CLYBL: variants seen among roughly 807,000 people sequenced by gnomAD.
CLYBL encodes citramalyl-CoA lyase, also known as citramalyl-CoA lyase, mitochondrial.
Under a neutral mutation model 38.9 loss-of-function variants are expected in CLYBL, and 31 were observed. That is an observed-to-expected ratio of 0.80 (90% confidence interval 0.60 to 1.08). CLYBL has a LOEUF of 1.08. CLYBL is among the 50% of genes least tolerant of loss of function. CLYBL has a pLI of 0.00. For missense variants in CLYBL, 434 were observed against 411.6 expected, an observed-to-expected ratio of 1.05 and a Z score of -0.47; for synonymous variants, 171 against 158.6, an observed-to-expected ratio of 1.08 and a Z score of -0.59.
At chr13:99,704,560 G>T (rs1196916561) in intron 1 of CLYBL, among the ~76,000 whole-genome samples, 1 of 152,082 alleles carries the variant, frequency 6.6e-6, no homozygotes, top group East Asian at 1.9e-4. Context: ...TCTTTGCTAG[G>T]TTAAGTATTT....
intron 1 of CLYBL, among the ~76,000 whole-genome samples, chr13:99,656,648 C>A (rs532958818): frequency 6.6e-6 from 1 of 152,174 alleles, no homozygotes; most frequent in African/African-American, 2.4e-5. Context: ...CTCAGTCACT[C>A]TGAGGGTATG....
At chr13:99,904,888 C>T (rs1419967695) in intron 8 of CLYBL, among the ~76,000 whole-genome samples, 1 of 152,230 alleles carries the variant, frequency 6.6e-6, no homozygotes, top group Non-Finnish European at 1.5e-5. Context: ...AAAGGGCAGC[C>T]TCCCTCTTGT....
At chr13:99,842,724 G>A (rs1307175616) in intron 2 of CLYBL, among the ~76,000 whole-genome samples, 1 of 140,164 alleles carries the variant, frequency 7.1e-6, no homozygotes, top group Admixed American at 7.1e-5. Context: ...AAAAAAAAAA[G>A]CAATTTTAGT....
At chr13:99,829,894 A>G (rs749828610) in intron 2 of CLYBL, among the ~76,000 whole-genome samples, 1 of 152,204 alleles carries the variant, frequency 6.6e-6, no homozygotes. Context: ...CACACTCAGG[A>G]AATATTGTTG....
At chr13:99,898,866 A>C (rs1424082878), downstream of CLYBL, among the ~76,000 whole-genome samples, 2 of 152,184 alleles carry the variant, frequency 1.3e-5, no homozygotes, top group African/African-American at 2.4e-5. Flanking sequence ...GTGTGTCCCC[A>C]AAAAATAGTG....
Position 99,620,826 on chromosome 13 carries a change from A to G in CLYBL, c.62+14069A>G, listed in dbSNP as rs71439612. ...AGAGAGAAAGAGAGAGAGAGAGAGA[A>G]AGAAAGAAAGAAAAAGAAAGAAAGA... On this transcript the variant is annotated intron_variant, in intron 1 of 8. Transcript: ENST00000339105. Among the ~76,000 whole-genome samples the G allele has an allele frequency of 1.9e-3, 235 of 123,226 alleles. 2 individuals carry two copies. In the East Asian group the frequency reaches 0.022, roughly 12 times the overall value. The allele number at this position is 123,226 out of a possible 152,430, so 80.8% of individuals were successfully genotyped here.
At chr13:99,902,900 C>A (rs1315897644) in intron 8 of CLYBL, among the ~76,000 whole-genome samples, 1 of 152,240 alleles carries the variant, frequency 6.6e-6, no homozygotes, top group Admixed American at 6.5e-5. Context: ...AGGGCATGAG[C>A]TTTACTTTTT....
chr13:99,889,175 A>G (rs958064987), intron 7 of CLYBL, among the ~76,000 whole-genome samples: 1 of 152,208 alleles, frequency 6.6e-6, no homozygotes, highest in African/African-American at 2.4e-5. Context: ...GCACAGACTC[A>G]CAGCCACCGT....
At chr13:99,653,956 T>G (rs1361343158) in intron 1 of CLYBL, among the ~76,000 whole-genome samples, 1 of 152,130 alleles carries the variant, frequency 6.6e-6, no homozygotes, top group Non-Finnish European at 1.5e-5. Context: ...TCTTCCCCCC[T>G]CACTTGAAAC....
chr13:99,658,981 C>A (rs2047370536), intron 1 of CLYBL, among the ~76,000 whole-genome samples: 1 of 152,150 alleles, frequency 6.6e-6, no homozygotes. Context: ...TCACTTTTTA[C>A]ATAATTAAAA....
chr13:99,722,696 A>G (rs2139534688), intron 1 of CLYBL, among the ~76,000 whole-genome samples: 1 of 152,340 alleles, frequency 6.6e-6, no homozygotes, highest in East Asian at 1.9e-4. Context: ...CTTTGAGGTT[A>G]TACGTAGAGA....
At chr13:99,798,775 G>C (rs998506076) in intron 2 of CLYBL, among the ~76,000 whole-genome samples, 6 of 152,178 alleles carry the variant, frequency 3.9e-5, no homozygotes, top group African/African-American at 1.4e-4. Flanking sequence ...GGAGGTTGTA[G>C]GGTGTTAAGT....
intron 2 of CLYBL, among the ~76,000 whole-genome samples, chr13:99,833,012 ATATATATATATATATATATTTTTTTT>A (rs1566345690): frequency 0.05 from 1,509 of 30,360 alleles, 92 homozygotes; most frequent in East Asian, 0.33. Flanking sequence ...ACATACATAT[ATATATATATATATATATATTTTTTTT>A]TTTTTTTTTT....
chr13:99,769,573 T>G (rs986536397), intron 1 of CLYBL, among the ~76,000 whole-genome samples: 1 of 152,264 alleles, frequency 6.6e-6, no homozygotes, highest in Non-Finnish European at 1.5e-5. Flanking sequence ...TACATCATTA[T>G]GTTTTTTCCC....
intron 2 of CLYBL, among the ~76,000 whole-genome samples, chr13:99,791,463 T>C (rs78979143): frequency 0.022 from 3,379 of 152,294 alleles, 135 homozygotes; most frequent in African/African-American, 0.076. Context: ...GGTATCTCTT[T>C]AACATACAGG....
At chr13:99,701,591 G>T (rs1045050973) in intron 1 of CLYBL, among the ~76,000 whole-genome samples, 2 of 151,830 alleles carry the variant, frequency 1.3e-5, no homozygotes, top group Non-Finnish European at 2.9e-5. Flanking sequence ...GATTACAGGC[G>T]TGAGCCACCG....
chr13:99,762,982 G>C (rs557908875), intron 1 of CLYBL, among the ~76,000 whole-genome samples: 1 of 152,128 alleles, frequency 6.6e-6, no homozygotes, highest in Non-Finnish European at 1.5e-5. Context: ...TTCACTGCTG[G>C]TGAATATAAA....
chr13:99,813,287 T>A (rs968068177), intron 2 of CLYBL, among the ~76,000 whole-genome samples: 11 of 152,260 alleles, frequency 7.2e-5, no homozygotes, highest in African/African-American at 2.7e-4. Context: ...ACATATCATT[T>A]GCATCTGACA....
intron 1 of CLYBL, among the ~76,000 whole-genome samples, chr13:99,679,738 G>T (rs547692931): frequency 2.0e-5 from 3 of 152,010 alleles, no homozygotes; most frequent in Non-Finnish European, 2.9e-5. Flanking sequence ...GAGAGGGTGG[G>T]GGGGGAAATG....
Sources: allele counts gnomAD v4.1 joint callset (sites outside exome capture counted in the v4.1 genomes callset), GRCh38; gene constraint gnomAD v4.1.1; transcripts MANE v1.5; gene names NCBI Gene and HGNC (gene_info 2026-07-23, HGNC 2026-07-21).